ST13: variants seen among roughly 807,000 people sequenced by gnomAD.
ST13 encodes ST13 Hsp70 interacting protein.
In ST13, 23 loss-of-function variants were observed where a neutral mutation model predicts 56.7. That is an observed-to-expected ratio of 0.41 (90% CI 0.29 to 0.57). The LOEUF (loss-of-function observed/expected upper bound fraction) is 0.57, where lower values mean the gene tolerates loss of function less well. ST13 is among the 20% of genes least tolerant of loss of function. ST13 has a pLI of 0.36. For synonymous variants in ST13, 132 were observed against 142.4 expected (o/e 0.93, Z 0.52); for missense variants, 369 against 459.9 (o/e 0.80, Z 1.81).
intron 2 of ST13, among the ~76,000 whole-genome samples, chr22:40,850,149 T>A (rs1460081163): frequency 6.6e-6 from 1 of 152,164 alleles, no homozygotes; most frequent in Non-Finnish European, 1.5e-5. Context: ...TCCCAGATAC[T>A]CGGGAGACTG....
At chr22:40,849,169 C>T (rs1425947678) in intron 2 of ST13, among the ~76,000 whole-genome samples, 1 of 152,036 alleles carries the variant, frequency 6.6e-6, no homozygotes, top group Non-Finnish European at 1.5e-5. Context: ...TAGGTTGCTT[C>T]CCTGTTACTT....
intron 8 of ST13, among the ~76,000 whole-genome samples, chr22:40,831,927 C>A (rs2057755696): frequency 6.6e-6 from 1 of 152,202 alleles, no homozygotes; most frequent in South Asian, 2.1e-4. Flanking sequence ...TCTTGGCTCA[C>A]TGCAACCTTC....
At chr22:40,841,771 TTTA>T (rs1173634500) in intron 4 of ST13, among the ~76,000 whole-genome samples, 1 of 151,920 alleles carries the variant, frequency 6.6e-6, no homozygotes, top group Non-Finnish European at 1.5e-5. Flanking sequence ...CTTTTTTTTT[TTTA>T]TAGAGACGGG....
At chr22:40,850,709 C>T in intron 2 of ST13, 114 bp downstream of exon 2, 1 of 761,694 alleles carries the variant, frequency 1.3e-6, no homozygotes, top group East Asian at 2.7e-5. Context: ...GTCTTATTTC[C>T]AAGTGATCTT....
At chr22:40,838,911 TAAAAA>T (rs138338) in intron 5 of ST13, among the ~76,000 whole-genome samples, 5 of 139,738 alleles carry the variant, frequency 3.6e-5, no homozygotes, top group Admixed American at 2.8e-4. Context: ...ATAGCATAAA[TAAAAA>T]AAAAAAAAAA....
rs1271985254 is a variant in ST13, at chr22:40,826,010, GGGT to G, written c.*525_*527del. The G allele has an allele frequency of 6.6e-6, 1 of 152,636 alleles. No individual in the cohort carries two copies. The highest frequency in any genetic ancestry group is 1.5e-5 in the Non-Finnish European group (1 of 68,106). 9.5% of individuals were successfully genotyped at this position (152,636 alleles called of 1,614,324 possible). On this transcript the variant is annotated 3_prime_UTR_variant, in exon 12 of 12. Coordinates refer to ENST00000216218, the MANE Select transcript of ST13 (RefSeq NM_003932.5). ...CCCTACCCAGGTCCTACTGAAATAC[GGGT>G]GGTCCCAATTAGTTTTATTGAAATA...
intron 2 of ST13, among the ~76,000 whole-genome samples, chr22:40,850,421 AG>A (rs1182949327): frequency 6.6e-6 from 1 of 152,206 alleles, no homozygotes. Flanking sequence ...AATATCACTC[AG>A]GTAGTAGAGC....
chr22:40,830,765 T>C (rs1430001331), intron 9 of ST13, 75 bp downstream of exon 9: 2 of 862,258 alleles, frequency 2.3e-6, no homozygotes, highest in African/African-American at 3.4e-5. Context: ...AGCCAGGAAT[T>C]AAAATTTTAG....
At position 40,844,867 on chromosome 22, in the gene ST13, G is replaced by A. The variant is rs2057823055; in HGVS notation, c.287C>T (p.Pro96Leu). 1 of 1,613,560 alleles carries A rather than the reference G, an allele frequency of 6.2e-7. No homozygotes were observed. Among genetic ancestry groups the A allele is most frequent in the Non-Finnish European group, 8.5e-7 (1 of 1,179,756 alleles). The change falls in exon 4 of 12, where the codon CCT becomes CTT. Residue 96 changes from proline to leucine, a missense_variant. Physicochemically the swap from Pro to Leu is moderately conservative, Grantham distance 98. Around this residue, in one of 3 missense-constraint regions of ST13, gnomAD observed 169 missense variants for 175.6 expected, o/e 0.96. Coordinates refer to ENST00000216218, the MANE Select transcript of ST13 (RefSeq NM_003932.5). ...CGCATTTTCATCTCCCATTTCTTGA[G>A]GAGCATCAGTGTCTGGTTCAATCAC... The part of the protein sequence containing the change: ...EGVIEPDTDA[P>L]QEMGDENAEI...
At chr22:40,839,100 A>G (rs969035729) in intron 5 of ST13, among the ~76,000 whole-genome samples, 1 of 152,180 alleles carries the variant, frequency 6.6e-6, no homozygotes, top group African/African-American at 2.4e-5. Flanking sequence ...TAACCTAGGG[A>G]AAGTAAACAG....
At chr22:40,855,070 T>G (rs2057882432) in intron 1 of ST13, among the ~76,000 whole-genome samples, 1 of 152,236 alleles carries the variant, frequency 6.6e-6, no homozygotes, top group Admixed American at 6.5e-5. Context: ...CATACAACGC[T>G]GACAGATTGT....
intron 10 of ST13, 63 bp downstream of exon 10, chr22:40,829,563 G>T (rs2057744452): frequency 1.4e-6 from 1 of 732,518 alleles, no homozygotes; most frequent in Non-Finnish European, 2.0e-6. Flanking sequence ...TAAATATTAA[G>T]TATTATATTA....
rs1172875591 is a variant in ST13, at chr22:40,826,241, A to G, written c.*297T>C. 8.0e-5 allele frequency: 16 copies of G among 199,450 alleles called. No homozygotes were observed. Among genetic ancestry groups the G allele is most frequent in the Non-Finnish European group, 1.2e-4 (12 of 98,668 alleles). 12.4% of individuals were successfully genotyped at this position (199,450 alleles called of 1,614,324 possible). On this transcript the variant is annotated 3_prime_UTR_variant, in exon 12 of 12. Transcript: ENST00000216218. ...GAAAAAAATCCAAAATGATTAGTAAAGAAAAATATAAGAATTAACAGGCCC... is the reference window on the plus strand; with the variant it reads ...GAAAAAAATCCAAAATGATTAGTAAGGAAAAATATAAGAATTAACAGGCCC...
At position 40,856,608 on chromosome 22, in the gene ST13, G is replaced by C. The variant is rs1169332214; in HGVS notation, c.-68C>G. The C allele has an allele frequency of 2.2e-6, 3 of 1,334,094 alleles. No homozygotes were observed. Among genetic ancestry groups the C allele is most frequent in the African/African-American group, 1.4e-5 (1 of 69,424 alleles). The allele number at this position is 1,334,094 out of a possible 1,614,324, so 82.6% of individuals were successfully genotyped here. A position where few individuals can be genotyped will look rare whatever the true frequency, so the allele number is the denominator to read the frequency against. On this transcript the variant is annotated 5_prime_UTR_variant, in exon 1 of 12. Coordinates refer to ENST00000216218, the MANE Select transcript of ST13 (RefSeq NM_003932.5). The stretch of plus-strand genomic sequence containing the variant: ...TTCCAGGCCCAGGCGCTGGCTCGGC[G>C]TGACCGCGCAGAAGGGGGCGGCTGC...
chr22:40,846,794 A>AC (rs1303864025), intron 3 of ST13, among the ~76,000 whole-genome samples: 1 of 152,140 alleles, frequency 6.6e-6, no homozygotes, highest in African/African-American at 2.4e-5. Flanking sequence ...GGAGTTTGAG[A>AC]CCAGCCTGGC....
chr22:40,828,037 A>AT (rs1160448230), intron 10 of ST13, among the ~76,000 whole-genome samples: 3 of 152,218 alleles, frequency 2.0e-5, no homozygotes, highest in African/African-American at 7.2e-5. Flanking sequence ...TCTAGCATAG[A>AT]TCTTCCTTCA....
At chr22:40,828,562 A>C (rs1195970911) in intron 10 of ST13, among the ~76,000 whole-genome samples, 1 of 151,954 alleles carries the variant, frequency 6.6e-6, no homozygotes, top group Non-Finnish European at 1.5e-5. Flanking sequence ...GCAGTGAGCC[A>C]AGATCACGCC....
intron 5 of ST13, among the ~76,000 whole-genome samples, chr22:40,838,313 T>C (rs1046303141): frequency 1.3e-5 from 2 of 152,198 alleles, no homozygotes; most frequent in Non-Finnish European, 2.9e-5. Flanking sequence ...TTTTATCCTT[T>C]AGAATACACT....
chr22:40,837,577 C>T (rs1181451616), intron 5 of ST13, among the ~76,000 whole-genome samples: 6 of 152,118 alleles, frequency 3.9e-5, no homozygotes, highest in Admixed American at 2.0e-4. Context: ...ACCCGGGAGG[C>T]GGAGGTTGCG....
Sources: allele counts gnomAD v4.1 joint callset (sites outside exome capture counted in the v4.1 genomes callset), GRCh38; gene constraint gnomAD v4.1.1; regional missense constraint gnomAD v4.1.1; transcripts MANE v1.5; gene names NCBI Gene and HGNC (gene_info 2026-07-23, HGNC 2026-07-21).